Variants in GREB1 observed in about 807,000 individuals in gnomAD.
The protein encoded by GREB1 is growth regulating estrogen receptor binding 1.
GREB1 carries 106 observed loss-of-function variants against 200.7 expected under a neutral mutation model. That is an observed-to-expected ratio of 0.53 (90% CI 0.45 to 0.62). The LOEUF (loss-of-function observed/expected upper bound fraction) is 0.62. GREB1 is among the 20% of genes least tolerant of loss of function. GREB1 has a pLI of 0.00. For synonymous variants in GREB1, 1,132 were observed against 1,092.4 expected (o/e 1.04, Z -0.72); for missense variants, 2,243 against 2,556.8 (o/e 0.88, Z 2.65).
At position 11,548,273 on chromosome 2, in the gene GREB1, G is replaced by T. The variant is rs973705205; in HGVS notation, c.-161-8181G>T. Reference sequence around the variant, plus strand: ...AAACATATGTGCACACACATGTACAGCCAGACACATGCACACACGTGCACA... The same window carrying T: ...AAACATATGTGCACACACATGTACATCCAGACACATGCACACACGTGCACA... On this transcript the variant is annotated intron_variant, in intron 1 of 32. Transcript: ENST00000381486. The surrounding 1 kb of genome is among the most constrained non-coding windows in gnomAD (Gnocchi z 5.1). Among the ~76,000 whole-genome samples the T allele has an allele frequency of 6.7e-5, 6 of 89,082 alleles. No homozygotes were observed. Among genetic ancestry groups the T allele is most frequent in the Non-Finnish European group, 8.5e-5 (4 of 47,046 alleles). The allele number at this position is 89,082 out of a possible 152,430, so 58.4% of individuals were successfully genotyped here. A position where few individuals can be genotyped will look rare whatever the true frequency, so the allele number is the denominator to read the frequency against.
intron 1 of GREB1, among the ~76,000 whole-genome samples, chr2:11,521,895 C>T (rs1463737650): frequency 6.6e-6 from 1 of 152,206 alleles, no homozygotes; most frequent in Admixed American, 6.5e-5. Flanking sequence ...CAATGTACTC[C>T]ACTGTACCAG....
chr2:11,544,018 C>G lies in GREB1; in HGVS notation c.-162+9764C>G, dbSNP rs535689420. 4.6e-5 allele frequency among the ~76,000 whole-genome samples: 7 copies of G among 152,228 alleles called. No individual in the cohort carries two copies. In the East Asian group the frequency reaches 1.4e-3, roughly 29 times the overall value. The stretch of plus-strand genomic sequence containing the variant: ...AGGAGCACCCAGAGCCAAGTGTTAT[C>G]TTAGGAAGTGAGTTCCAGCCCATTC... On this transcript the variant is annotated intron_variant, in intron 1 of 32. Transcript: ENST00000381486.
chr2:11,596,322 C>T, intron 13 of GREB1, 83 bp downstream of exon 13: 4 of 1,272,488 alleles, frequency 3.1e-6, no homozygotes, highest in Non-Finnish European at 4.4e-6. Context: ...CAGGTGTGCA[C>T]AGTGAGAGGG....
intron 17 of GREB1, among the ~76,000 whole-genome samples, chr2:11,609,609 C>A (rs1682736535): frequency 6.6e-6 from 1 of 152,152 alleles, no homozygotes; most frequent in Non-Finnish European, 1.5e-5. Flanking sequence ...ACCAGTTATA[C>A]CTTCCTAGAC....
chr2:11,584,690 T>C (rs1159307804), intron 7 of GREB1: 1 of 153,116 alleles, frequency 6.5e-6, no homozygotes, highest in African/African-American at 2.4e-5. Context: ...TAGGATTTAG[T>C]GTCCTATTTT....
chr2:11,588,392 T>C (rs375093715), intron 9 of GREB1: 2 of 673,564 alleles, frequency 3.0e-6, no homozygotes, highest in Non-Finnish European at 2.1e-6. Flanking sequence ...TGGAAGGTGC[T>C]CTGCCCACAA....
intron 6 of GREB1, among the ~76,000 whole-genome samples, chr2:11,579,154 C>T (rs1679202699): frequency 6.6e-6 from 1 of 152,204 alleles, no homozygotes. Flanking sequence ...GAGCCAGTGC[C>T]CTTGTACCCA....
intron 4 of GREB1, among the ~76,000 whole-genome samples, chr2:11,570,487 A>G (rs949335761): frequency 2.6e-5 from 4 of 151,006 alleles, no homozygotes; most frequent in African/African-American, 9.7e-5. Flanking sequence ...ATTTAATATT[A>G]TCAAATATTC....
intron 1 of GREB1, among the ~76,000 whole-genome samples, chr2:11,483,295 C>T (rs1363006148): frequency 6.7e-6 from 1 of 148,188 alleles, no homozygotes; most frequent in Non-Finnish European, 1.5e-5. Context: ...CGTGTGCGTG[C>T]GTGCATGTGT....
intron 1 of GREB1, among the ~76,000 whole-genome samples, chr2:11,537,422 C>T (rs2148504488): frequency 6.6e-6 from 1 of 152,012 alleles, no homozygotes; most frequent in South Asian, 2.1e-4. Flanking sequence ...ATTAAATCCA[C>T]ACAACTCTAA....
At chr2:11,539,463 A>T (rs1279075219) in intron 1 of GREB1, among the ~76,000 whole-genome samples, 2 of 152,184 alleles carry the variant, frequency 1.3e-5, no homozygotes, top group East Asian at 1.9e-4. Context: ...GTGCTCGCTT[A>T]TGTGGCTTAG....
At chr2:11,568,714 C>G (rs1489098000) in intron 4 of GREB1, among the ~76,000 whole-genome samples, 1 of 152,202 alleles carries the variant, frequency 6.6e-6, no homozygotes, top group African/African-American at 2.4e-5. Context: ...CCTGTTGGCC[C>G]GCAGAGAGGA....
intron 7 of GREB1, among the ~76,000 whole-genome samples, chr2:11,582,780 G>A (rs895964882): frequency 6.6e-5 from 10 of 152,254 alleles, no homozygotes; most frequent in African/African-American, 1.2e-4. Flanking sequence ...CTTCTCCTCT[G>A]CTCTGGGGAG....
At chr2:11,625,055 G>A (rs895576619) in intron 23 of GREB1, 99 bp from the exon 24 acceptor site, 19 of 950,596 alleles carry the variant, frequency 2.0e-5, no homozygotes, top group African/African-American at 3.2e-5. Context: ...GCCTGATGTC[G>A]CATTTCTCAG....
At chr2:11,520,829 G>C (rs77294520) in intron 1 of GREB1, among the ~76,000 whole-genome samples, 16,987 of 152,178 alleles carry the variant, frequency 0.11, 1,181 homozygotes, top group Non-Finnish European at 0.16. Flanking sequence ...CGGGCTTTAG[G>C]GGGTGGCTGT....
intron 1 of GREB1, among the ~76,000 whole-genome samples, chr2:11,534,582 G>A: frequency 6.6e-6 from 1 of 152,122 alleles, no homozygotes; most frequent in African/African-American, 2.4e-5. Flanking sequence ...AGTTTACCTG[G>A]GGGCCCCTCA....
At chr2:11,529,422 A>C (rs59489734), upstream of GREB1, among the ~76,000 whole-genome samples, 9,712 of 152,230 alleles carry the variant, frequency 0.064, 1,103 homozygotes, top group African/African-American at 0.22. Flanking sequence ...CACCCACCAG[A>C]CTGCCAAAAA....
chr2:11,621,600 C>T (rs1184188424), intron 23 of GREB1, among the ~76,000 whole-genome samples: 1 of 152,218 alleles, frequency 6.6e-6, no homozygotes, highest in Non-Finnish European at 1.5e-5. Flanking sequence ...CTGTTTCCTC[C>T]TCATCCCTCC....
chr2:11,598,062 G>T (rs1192916204), intron 14 of GREB1, 84 bp downstream of exon 14: 1 of 965,912 alleles, frequency 1.0e-6, no homozygotes, highest in Non-Finnish European at 1.7e-6. Flanking sequence ...ACTGTTCTTT[G>T]CTATAGAGTG....
Sources: gnomAD v4.1 joint callset for allele counts (sites outside exome capture counted in the v4.1 genomes callset) on GRCh38, gnomAD v4.1.1 for gene constraint, Gnocchi (gnomAD v3.1) non-coding constraint, MANE v1.5 for transcripts, NCBI Gene and HGNC (gene_info 2026-07-23, HGNC 2026-07-21) for gene names.